The following BEND5 variants were observed in gnomAD, a reference collection of about 807,000 sequenced individuals.
The protein encoded by BEND5 is BEN domain containing 5.
In BEND5, 22 loss-of-function variants were observed where a neutral mutation model predicts 43.9. That is an observed-to-expected ratio of 0.50 (90% CI 0.36 to 0.72). The LOEUF (loss-of-function observed/expected upper bound fraction) is 0.72. Among genes scored for constraint, BEND5 ranks in the 30% least tolerant of loss-of-function variants. The probability of loss-of-function intolerance (pLI) is 0.00; values close to 1 mark genes in which losing one functional copy is unlikely to be tolerated. For missense variants in BEND5, 428 were observed against 550.6 expected (o/e 0.78, Z 2.23); for synonymous variants, 228 against 225.9 (o/e 1.01, Z -0.08).
At chr1:48,732,125 G>C (rs1446382764) in intron 5 of BEND5, among the ~76,000 whole-genome samples, 1 of 152,102 alleles carries the variant, frequency 6.6e-6, no homozygotes, top group African/African-American at 2.4e-5. Context: ...TGGGTAGTGA[G>C]GGATGTGGAG....
In BEND5 at chr1:48,747,251, T is replaced by A. The variant is rs147315124; in HGVS notation, c.746-4480A>T. On this transcript the variant is annotated intron_variant, in intron 3 of 5. Transcript: ENST00000371833. ...TGTGGGAAGAGTAGGAATTTTTTTTTAAAAAAGGGCTTTGATCCATTTGCA... is the reference window on the plus strand; with the variant it reads ...TGTGGGAAGAGTAGGAATTTTTTTTAAAAAAAGGGCTTTGATCCATTTGCA... 6.5e-3 allele frequency among the ~76,000 whole-genome samples: 995 copies of A among 152,246 alleles called. 12 individuals are homozygous for A. Among genetic ancestry groups the A allele is most frequent in the African/African-American group, 0.022 (896 of 41,530 alleles).
chr1:48,772,846 G>A (rs1570622584), intron 1 of BEND5, among the ~76,000 whole-genome samples: 1 of 152,136 alleles, frequency 6.6e-6, no homozygotes, highest in Non-Finnish European at 1.5e-5. Flanking sequence ...AAACTGCAAA[G>A]CCCACCTTGA....
intron 4 of BEND5, among the ~76,000 whole-genome samples, chr1:48,738,185 A>C (rs905894242): frequency 6.6e-6 from 1 of 152,222 alleles, no homozygotes; most frequent in Non-Finnish European, 1.5e-5. Flanking sequence ...GAAATTTTCC[A>C]ACCATCAAGA....
intron 3 of BEND5, among the ~76,000 whole-genome samples, chr1:48,756,792 T>C (rs940164977): frequency 7.9e-5 from 12 of 152,234 alleles, no homozygotes; most frequent in Non-Finnish European, 4.4e-5. Context: ...TTTTCCAGGA[T>C]GCCTGTAGCC....
At chr1:48,751,113 A>G (rs368704240) in intron 3 of BEND5, among the ~76,000 whole-genome samples, 6 of 152,128 alleles carry the variant, frequency 3.9e-5, no homozygotes, top group South Asian at 2.1e-4. Context: ...TTGTCCATCT[A>G]TAAGATAGGG....
At chr1:48,776,477 G>A in intron 1 of BEND5, 129 bp downstream of exon 1, 1 of 692,132 alleles carries the variant, frequency 1.4e-6, no homozygotes, top group Non-Finnish European at 2.2e-6. Flanking sequence ...AATGCCCAGA[G>A]GACGGGAGAA....
At chr1:48,753,586 C>T (rs1652082848) in intron 3 of BEND5, among the ~76,000 whole-genome samples, 1 of 152,202 alleles carries the variant, frequency 6.6e-6, no homozygotes, top group Non-Finnish European at 1.5e-5. Context: ...ATTAGTGATC[C>T]AGCTCTAAAA....
chr1:48,735,694 A>T (rs977083424), intron 5 of BEND5, among the ~76,000 whole-genome samples: 9 of 151,938 alleles, frequency 5.9e-5, no homozygotes, highest in African/African-American at 2.2e-4. Flanking sequence ...GAATCTAGTG[A>T]CTACCAGCTG....
rs1357256071 is a variant in BEND5, at chr1:48,776,844, G to C, written c.-13C>G. The stretch of plus-strand genomic sequence containing the variant: ...CAAAGGCGTACATGGTGGGCGCCGG[G>C]GGCGGGCCCCGGTCGGGCAGCTCAG... On this transcript the variant is annotated 5_prime_UTR_variant, in exon 1 of 6. Transcript: ENST00000371833. The C allele has an allele frequency of 1.5e-5, 22 of 1,493,878 alleles. No homozygotes were observed. Among genetic ancestry groups the C allele is most frequent in the South Asian group, 2.6e-5 (2 of 77,616 alleles). 92.5% of individuals were successfully genotyped at this position (1,493,878 alleles called of 1,614,324 possible). A position where few individuals can be genotyped will look rare whatever the true frequency, so the allele number is the denominator to read the frequency against.
intron 3 of BEND5, among the ~76,000 whole-genome samples, chr1:48,756,240 A>T (rs1643918483): frequency 6.6e-6 from 1 of 152,208 alleles, no homozygotes; most frequent in Non-Finnish European, 1.5e-5. Flanking sequence ...ACAAAAATTC[A>T]TCATTCAGGC....
Position 48,736,135 on chromosome 1 carries a change from T to G in BEND5, c.1108+104A>C, listed in dbSNP as rs1649006465. The G allele has an allele frequency of 2.3e-6, 3 of 1,331,476 alleles. No homozygotes were observed. In the South Asian group the frequency reaches 3.8e-5, roughly 17 times the overall value. The allele number at this position is 1,331,476 out of a possible 1,614,324, so 82.5% of individuals were successfully genotyped here. A position where few individuals can be genotyped will look rare whatever the true frequency, so the allele number is the denominator to read the frequency against. On this transcript the variant is annotated intron_variant, in intron 5 of 5. Transcript: ENST00000371833. The surrounding 1 kb of genome is among the most constrained non-coding windows in gnomAD (Gnocchi z 4.0). ...CCCGGGCTCAGCCCAGGGTCTGGCA[T>G]GCAGAAGCTTCATAAGTAATCGTTG...
chr1:48,757,899 G>A (rs1644028067), intron 3 of BEND5, among the ~76,000 whole-genome samples: 1 of 152,164 alleles, frequency 6.6e-6, no homozygotes, highest in African/African-American at 2.4e-5. Flanking sequence ...GGGCTATGGA[G>A]GCAAAGAACT....
At chr1:48,735,622 CCT>C (rs1264190702) in intron 5 of BEND5, among the ~76,000 whole-genome samples, 1 of 151,938 alleles carries the variant, frequency 6.6e-6, no homozygotes, top group Non-Finnish European at 1.5e-5. Flanking sequence ...CAAATGACTC[CCT>C]GTCTCTTTGC....
chr1:48,766,095 C>T (rs1293449588), intron 1 of BEND5, among the ~76,000 whole-genome samples: 1 of 152,060 alleles, frequency 6.6e-6, no homozygotes, highest in Non-Finnish European at 1.5e-5. Context: ...TGAAATATAC[C>T]TCAATAAAAA....
At chr1:48,738,001 T>A (rs921627539) in intron 4 of BEND5, among the ~76,000 whole-genome samples, 1 of 152,010 alleles carries the variant, frequency 6.6e-6, no homozygotes, top group African/African-American at 2.4e-5. Flanking sequence ...TCTGGAGAGG[T>A]CCCTGGTCTA....
At chr1:48,747,010 C>A (rs1009360705) in intron 3 of BEND5, among the ~76,000 whole-genome samples, 1 of 152,226 alleles carries the variant, frequency 6.6e-6, no homozygotes, top group African/African-American at 2.4e-5. Flanking sequence ...CACTTCATTG[C>A]AAATTTTAGT....
intron 5 of BEND5, among the ~76,000 whole-genome samples, 193 bp from the exon 6 acceptor site, chr1:48,728,236 C>T (rs551393797): frequency 4.7e-4 from 72 of 152,162 alleles, no homozygotes; most frequent in Non-Finnish European, 9.6e-4. Context: ...TAAATGTACT[C>T]TTTAAAAGTA....
intron 5 of BEND5, among the ~76,000 whole-genome samples, chr1:48,733,809 T>A (rs576612951): frequency 2.9e-4 from 44 of 152,346 alleles, no homozygotes; most frequent in African/African-American, 8.4e-4. Context: ...TGTGGGTCTC[T>A]GTGTTTCTTC....
At chr1:48,744,241 G>A (rs1244684211) in intron 3 of BEND5, among the ~76,000 whole-genome samples, 4 of 152,224 alleles carry the variant, frequency 2.6e-5, no homozygotes, top group Non-Finnish European at 5.9e-5. Context: ...ACCTGGGGCT[G>A]AGTAGGCACT....
Sources: allele counts gnomAD v4.1 joint callset (sites outside exome capture counted in the v4.1 genomes callset), GRCh38; gene constraint gnomAD v4.1.1; non-coding constraint Gnocchi (gnomAD v3.1); transcripts MANE v1.5; gene names NCBI Gene and HGNC (gene_info 2026-07-23, HGNC 2026-07-21).